NAALADL2: variants seen among roughly 807,000 people sequenced by gnomAD.
NAALADL2 encodes N-acetylated alpha-linked acidic dipeptidase like 2.
In NAALADL2, 76 loss-of-function variants were observed where a neutral mutation model predicts 87.2. The observed-to-expected ratio is 0.87, with a 90% CI of 0.72 to 1.05. The LOEUF (loss-of-function observed/expected upper bound fraction) is 1.05, where lower values mean the gene tolerates loss of function less well. Among genes scored for constraint, NAALADL2 ranks in the 50% least tolerant of loss-of-function variants. The probability of loss-of-function intolerance (pLI) is 0.00; values close to 1 mark genes in which losing one functional copy is unlikely to be tolerated. For synonymous variants in NAALADL2, 354 were observed against 331.0 expected, an observed-to-expected ratio of 1.07 and a Z score of -0.75; for missense variants, 1,089 against 945.8, an observed-to-expected ratio of 1.15 and a Z score of -1.99.
intron 1 of NAALADL2, among the ~76,000 whole-genome samples, chr3:175,008,782 A>T (rs1749394475): frequency 6.7e-6 from 1 of 148,726 alleles, no homozygotes; most frequent in African/African-American, 2.5e-5. Context: ...ACCTTCTAGG[A>T]TTCCTTGCAG....
At chr3:174,993,554 A>G in intron 1 of NAALADL2, among the ~76,000 whole-genome samples, 1 of 152,214 alleles carries the variant, frequency 6.6e-6, no homozygotes, top group East Asian at 1.9e-4. Flanking sequence ...TGGAGATGAC[A>G]GGAAGCTTCT....
intron 4 of NAALADL2, among the ~76,000 whole-genome samples, chr3:175,316,411 G>A (rs1047914706): frequency 6.6e-6 from 1 of 152,082 alleles, no homozygotes; most frequent in South Asian, 2.1e-4. Flanking sequence ...GAGCAAGGTG[G>A]TTATGTCGTT....
chr3:175,688,133 C>T (rs1327143277), intron 11 of NAALADL2, among the ~76,000 whole-genome samples: 1 of 152,032 alleles, frequency 6.6e-6, no homozygotes, highest in Non-Finnish European at 1.5e-5. Context: ...AGTTAAGGTC[C>T]TGTATGTAAG....
At chr3:175,057,728 C>G (rs763082663) in intron 1 of NAALADL2, among the ~76,000 whole-genome samples, 1 of 152,210 alleles carries the variant, frequency 6.6e-6, no homozygotes, top group Non-Finnish European at 1.5e-5. Flanking sequence ...CCTGCTTATA[C>G]TCATATGAGA....
chr3:174,533,627 GAA>G (rs10712725), intron 1 of NAALADL2, among the ~76,000 whole-genome samples: 23,818 of 143,854 alleles, frequency 0.17, 2,054 homozygotes, highest in African/African-American at 0.23. Context: ...AAATTAGTTG[GAA>G]AAAAAAAAAA....
chr3:175,042,664 A>T (rs1193261146), intron 1 of NAALADL2, among the ~76,000 whole-genome samples: 2 of 152,098 alleles, frequency 1.3e-5, no homozygotes, highest in Non-Finnish European at 2.9e-5. Flanking sequence ...TGAGATTTTG[A>T]TATGCATTTC....
intron 1 of NAALADL2, among the ~76,000 whole-genome samples, chr3:174,882,988 G>A (rs965559779): frequency 3.3e-5 from 5 of 151,668 alleles, no homozygotes; most frequent in Admixed American, 1.3e-4. Flanking sequence ...GCAATAGCCC[G>A]TCTGTAGGCT....
At chr3:175,615,540 A>G (rs926414098) in intron 10 of NAALADL2, among the ~76,000 whole-genome samples, 5 of 152,118 alleles carry the variant, frequency 3.3e-5, no homozygotes, top group African/African-American at 7.2e-5. Context: ...ATATTCAATA[A>G]ATATTGCTAA....
chr3:174,812,317 A>G (rs948063891), intron 3 of NAALADL2, among the ~76,000 whole-genome samples: 9 of 152,156 alleles, frequency 5.9e-5, no homozygotes, highest in African/African-American at 2.2e-4. Context: ...ATGGAGCTGA[A>G]AACTTCCTAT....
At chr3:174,654,792 G>A (rs1397559113) in intron 2 of NAALADL2, among the ~76,000 whole-genome samples, 1 of 152,118 alleles carries the variant, frequency 6.6e-6, no homozygotes, top group Admixed American at 6.5e-5. Context: ...CTGGAGTGCA[G>A]TGACGCCATC....
intron 1 of NAALADL2, among the ~76,000 whole-genome samples, chr3:175,067,907 C>T (rs1199849828): frequency 6.6e-6 from 1 of 151,852 alleles, no homozygotes; most frequent in African/African-American, 2.4e-5. Context: ...TACAATGCAG[C>T]TAAAAAAAGA....
intron 2 of NAALADL2, among the ~76,000 whole-genome samples, chr3:174,672,265 G>C (rs745346167): frequency 3.3e-5 from 5 of 152,036 alleles, no homozygotes; most frequent in South Asian, 2.1e-4. Context: ...TTTGTAAAAA[G>C]TTTAAAAGTG....
chr3:174,709,942 T>C (rs1173992413), intron 2 of NAALADL2, among the ~76,000 whole-genome samples: 2 of 152,244 alleles, frequency 1.3e-5, no homozygotes, highest in Non-Finnish European at 2.9e-5. Context: ...TGTCCTTTCA[T>C]TCAAGGTGTA....
chr3:175,210,571 A>G (rs1741623542), intron 2 of NAALADL2, among the ~76,000 whole-genome samples: 1 of 151,742 alleles, frequency 6.6e-6, no homozygotes, highest in Admixed American at 6.6e-5. Context: ...GCTTACATAT[A>G]TTGTTAATGT....
chr3:175,307,654 G>C (rs1315925587), intron 4 of NAALADL2, among the ~76,000 whole-genome samples: 2 of 152,118 alleles, frequency 1.3e-5, no homozygotes, highest in Admixed American at 1.3e-4. Context: ...TATTGAGTCT[G>C]ATCAGCCCTT....
intron 9 of NAALADL2, among the ~76,000 whole-genome samples, chr3:175,545,655 C>T (rs1713185287): frequency 6.6e-6 from 1 of 152,124 alleles, no homozygotes. Flanking sequence ...TAGATGCTAA[C>T]AAACTTCAAC....
At chr3:175,759,634 G>A (rs1337048164) in intron 13 of NAALADL2, among the ~76,000 whole-genome samples, 1 of 152,214 alleles carries the variant, frequency 6.6e-6, no homozygotes, top group African/African-American at 2.4e-5. Context: ...GGGATTACAG[G>A]CGTGAGCCAC....
intron 5 of NAALADL2, among the ~76,000 whole-genome samples, chr3:175,347,734 T>C (rs1464026138): frequency 6.6e-6 from 1 of 152,148 alleles, no homozygotes; most frequent in African/African-American, 2.4e-5. Context: ...AATACCGATT[T>C]CTTTTTTTAT....
chr3:174,970,449 G>A (rs1743468446), intron 1 of NAALADL2, among the ~76,000 whole-genome samples: 1 of 152,124 alleles, frequency 6.6e-6, no homozygotes, highest in South Asian at 2.1e-4. Flanking sequence ...GCTTTAGGTT[G>A]TTAATCTGGT....
Sources: allele counts gnomAD v4.1 joint callset (sites outside exome capture counted in the v4.1 genomes callset), GRCh38; gene constraint gnomAD v4.1.1; transcripts MANE v1.5; gene names NCBI Gene and HGNC (gene_info 2026-07-23, HGNC 2026-07-21).